The following KHDRBS2 variants were observed in gnomAD, a reference collection of about 807,000 sequenced individuals.
The protein encoded by KHDRBS2 is KH RNA binding domain containing, signal transduction associated 2, also known as KH domain-containing, RNA-binding, signal transduction-associated protein 2.
Under a neutral mutation model 44.3 loss-of-function variants are expected in KHDRBS2, and 26 were observed. The observed-to-expected ratio is 0.59, with a 90% CI of 0.43 to 0.81. The LOEUF (loss-of-function observed/expected upper bound fraction) is 0.81, where lower values mean the gene tolerates loss of function less well. Among genes scored for constraint, KHDRBS2 ranks in the 40% least tolerant of loss-of-function variants. KHDRBS2 has a pLI of 0.00. For missense variants in KHDRBS2, 476 were observed against 433.1 expected, an observed-to-expected ratio of 1.10 and a Z score of -0.88; for synonymous variants, 194 against 151.1, an observed-to-expected ratio of 1.28 and a Z score of -2.08.
In KHDRBS2 at chr6:62,105,135, G is replaced by C. The variant is rs553159841; in HGVS notation, c.220-57141C>G. Among the ~76,000 whole-genome samples the C allele has an allele frequency of 2.6e-5, 4 of 151,434 alleles. No individual in the cohort carries two copies. In the South Asian group the frequency reaches 8.3e-4, roughly 31 times the overall value. ...ATATCATTAAAAAAATGAGCTTTTA[G>C]TTAAACATTTTCTCAAAAAATAAGT... On this transcript the variant is annotated intron_variant, in intron 2 of 8. Transcript: ENST00000281156.
intron 3 of KHDRBS2, among the ~76,000 whole-genome samples, chr6:61,982,119 G>A (rs1773962184): frequency 6.6e-6 from 1 of 152,096 alleles, no homozygotes; most frequent in Non-Finnish European, 1.5e-5. Context: ...AGAAGCAAAT[G>A]CTCCACTCAG....
intron 7 of KHDRBS2, among the ~76,000 whole-genome samples, chr6:61,729,877 T>C (rs1161691124): frequency 1.3e-5 from 2 of 152,132 alleles, no homozygotes; most frequent in African/African-American, 4.8e-5. Flanking sequence ...GTTTTGCTAA[T>C]ATTGCTTCAC....
chr6:61,795,178 A>T (rs1743444), intron 6 of KHDRBS2, among the ~76,000 whole-genome samples: 1 of 134,974 alleles, frequency 7.4e-6, no homozygotes, highest in African/African-American at 2.8e-5. Flanking sequence ...AAAGAAAAAC[A>T]TATTTTAGTT....
At chr6:61,955,903 T>A (rs1767127112) in intron 4 of KHDRBS2, among the ~76,000 whole-genome samples, 1 of 152,028 alleles carries the variant, frequency 6.6e-6, no homozygotes, top group African/African-American at 2.4e-5. Context: ...GAGACACAAA[T>A]AAGTTAACTT....
intron 1 of KHDRBS2, among the ~76,000 whole-genome samples, chr6:62,259,532 A>T (rs1233351555): frequency 6.6e-6 from 1 of 151,972 alleles, no homozygotes; most frequent in Admixed American, 6.6e-5. Context: ...TTGTACATAA[A>T]TAATAGTAGT....
At chr6:62,039,329 A>T (rs1785983257) in intron 3 of KHDRBS2, among the ~76,000 whole-genome samples, 1 of 151,584 alleles carries the variant, frequency 6.6e-6, no homozygotes, top group Non-Finnish European at 1.5e-5. Flanking sequence ...ATTGATCGCC[A>T]TTAGAGGACA....
At chr6:61,952,559 C>G (rs1045020401) in intron 4 of KHDRBS2, among the ~76,000 whole-genome samples, 5 of 151,964 alleles carry the variant, frequency 3.3e-5, no homozygotes, top group African/African-American at 1.2e-4. Context: ...TTTTCAATGG[C>G]CAAAACTGCA....
At chr6:62,213,272 A>T (rs1323895251) in intron 1 of KHDRBS2, among the ~76,000 whole-genome samples, 1 of 152,080 alleles carries the variant, frequency 6.6e-6, no homozygotes, top group African/African-American at 2.4e-5. Context: ...CAAGAGTAGA[A>T]GCAAGTTTGG....
chr6:62,272,653 T>C (rs1276323015), intron 1 of KHDRBS2, among the ~76,000 whole-genome samples: 2 of 151,920 alleles, frequency 1.3e-5, no homozygotes, highest in African/African-American at 4.8e-5. Context: ...TGGCAGTGAG[T>C]GGTCAGCAAA....
At chr6:61,677,416 C>T (rs981980869), downstream of KHDRBS2, among the ~76,000 whole-genome samples, 4 of 151,752 alleles carry the variant, frequency 2.6e-5, no homozygotes, top group Non-Finnish European at 5.9e-5. Flanking sequence ...CAGAATTTAA[C>T]TCTGTAATTT....
chr6:62,016,991 GC>G (rs1335451304), intron 3 of KHDRBS2, among the ~76,000 whole-genome samples: 1 of 152,030 alleles, frequency 6.6e-6, no homozygotes, highest in African/African-American at 2.4e-5. Flanking sequence ...GAAAAGAAAT[GC>G]CCTGTATTGG....
intron 1 of KHDRBS2, among the ~76,000 whole-genome samples, chr6:62,181,460 T>A (rs978029919): frequency 1.3e-5 from 2 of 151,936 alleles, no homozygotes; most frequent in Admixed American, 1.3e-4. Flanking sequence ...ACATCACTAA[T>A]CGTCAGAGAA....
chr6:61,634,855 G>C, the KHDRBS2 span, among the ~76,000 whole-genome samples: 9 of 151,972 alleles, frequency 5.9e-5, no homozygotes, highest in African/African-American at 2.2e-4. Flanking sequence ...AATTGCTTTT[G>C]ATAAATGAAC....
intron 4 of KHDRBS2, among the ~76,000 whole-genome samples, chr6:61,930,353 G>A (rs1809775053): frequency 6.6e-6 from 1 of 151,708 alleles, no homozygotes; most frequent in South Asian, 2.1e-4. Context: ...TATGACTTAC[G>A]ATTTCTATTT....
At chr6:61,905,412 G>C (rs1049198868) in intron 4 of KHDRBS2, among the ~76,000 whole-genome samples, 4 of 151,390 alleles carry the variant, frequency 2.6e-5, no homozygotes, top group Non-Finnish European at 5.9e-5. Flanking sequence ...GAAATAGCTA[G>C]ACGTATAATG....
chr6:62,055,755 T>G (rs769572161), intron 2 of KHDRBS2, among the ~76,000 whole-genome samples: 2 of 151,996 alleles, frequency 1.3e-5, no homozygotes, highest in Non-Finnish European at 2.9e-5. Flanking sequence ...TTCACTTTCG[T>G]GGTGGGTTTT....
chr6:61,925,666 G>A (rs1187835973), intron 4 of KHDRBS2, among the ~76,000 whole-genome samples: 2 of 150,766 alleles, frequency 1.3e-5, no homozygotes, highest in Non-Finnish European at 2.9e-5. Flanking sequence ...AGGCGGCAGT[G>A]AGCCTTGATT....
intron 6 of KHDRBS2, among the ~76,000 whole-genome samples, chr6:61,865,130 G>A (rs530896310): frequency 6.6e-6 from 1 of 152,046 alleles, no homozygotes; most frequent in Non-Finnish European, 1.5e-5. Flanking sequence ...GGTCAGTTAT[G>A]TTCCTCTTTA....
intron 6 of KHDRBS2, among the ~76,000 whole-genome samples, chr6:61,867,610 T>A (rs1189516353): frequency 6.6e-6 from 1 of 152,210 alleles, no homozygotes; most frequent in Non-Finnish European, 1.5e-5. Flanking sequence ...ATCTTTGATG[T>A]TGCTGATCTT....
Sources: allele counts gnomAD v4.1 joint callset (sites outside exome capture counted in the v4.1 genomes callset), GRCh38; gene constraint gnomAD v4.1.1; transcripts MANE v1.5; gene names NCBI Gene and HGNC (gene_info 2026-07-23, HGNC 2026-07-21).